Variants in DNAH5 observed in about 807,000 individuals in gnomAD.
The protein encoded by DNAH5 is dynein axonemal heavy chain 5.
DNAH5 carries 372 observed loss-of-function variants against 518.2 expected under a neutral mutation model. That is an observed-to-expected ratio of 0.72 (90% CI 0.66 to 0.78). The LOEUF (loss-of-function observed/expected upper bound fraction) is 0.78. Among genes scored for constraint, DNAH5 ranks in the 30% least tolerant of loss-of-function variants. DNAH5 has a pLI of 0.00. For missense variants in DNAH5, 5,523 were observed against 5,687.0 expected (o/e 0.97, Z 0.93); for synonymous variants, 2,039 against 2,025.9 (o/e 1.01, Z -0.17).
At chr5:13,948,221 T>C (rs1780084268), upstream of DNAH5, among the ~76,000 whole-genome samples, 1 of 152,186 alleles carries the variant, frequency 6.6e-6, no homozygotes, top group African/African-American at 2.4e-5. Context: ...TGGAAGAAAA[T>C]CCCAGAAGAG....
At chr5:13,739,431 C>T (rs78408914) in intron 65 of DNAH5, among the ~76,000 whole-genome samples, 14 of 152,222 alleles carry the variant, frequency 9.2e-5, no homozygotes, top group South Asian at 2.1e-4. Flanking sequence ...CTTTGCCTTC[C>T]GCCATGATTG....
Position 13,708,134 on chromosome 5 carries a change from A to C in DNAH5, c.13327T>G (p.Trp4443Gly). The C allele has an allele frequency of 1.2e-6, 2 of 1,614,158 alleles. No homozygotes were observed. Among genetic ancestry groups the C allele is most frequent in the Non-Finnish European group, 1.7e-6 (2 of 1,179,988 alleles). ...AGGCTTATACGTACTTTTTTCCACC[A>C]AGCAGGGATTCTAGCATCAAACATG... The part of the protein sequence containing the change: ...DCMFDARIPA[W>G]WKKASWISST... The change falls in exon 76 of 79, where the codon TGG (tryptophan) becomes GGG (glycine). Residue 4443 changes from tryptophan to glycine, a missense_variant. Around this residue, in one of 3 missense-constraint regions of DNAH5, gnomAD observed 387 missense variants for 430.0 expected, o/e 0.90. Transcript: ENST00000265104.
chr5:13,892,009 A>T (rs558318752), intron 16 of DNAH5, among the ~76,000 whole-genome samples: 68 of 152,358 alleles, frequency 4.5e-4, no homozygotes, highest in Non-Finnish European at 8.4e-4. Flanking sequence ...AATTGAATAC[A>T]GGAAAGTCAA....
intron 70 of DNAH5, among the ~76,000 whole-genome samples, chr5:13,724,456 C>G (rs1257337221): frequency 1.3e-5 from 2 of 152,078 alleles, no homozygotes; most frequent in African/African-American, 2.4e-5. Context: ...GGAGATGAGT[C>G]TCAGAGAGAC....
chr5:13,826,093 C>G (rs909070193), intron 38 of DNAH5, among the ~76,000 whole-genome samples: 1 of 152,128 alleles, frequency 6.6e-6, no homozygotes, highest in Non-Finnish European at 1.5e-5. Flanking sequence ...GGTGAGTAAA[C>G]TTAATCATGG....
rs756945576 is a variant in DNAH5, at chr5:13,829,599, A to G, written c.6355T>C (p.Leu2119=). The change falls in exon 38 of 79, where the codon TTG becomes CTG. Residue 2119 remains leucine (L), a synonymous_variant. Transcript: ENST00000265104. ...PDRQIIIRVK[L]ASCGFIDNVV... is the part of the protein sequence containing the mutation. ...TTGTCAATGAAGCCACAACTAGCCA[A>G]CTTCACCCTTATGATAATCTGACGG... The G allele has an allele frequency of 6.2e-7, 1 of 1,614,204 alleles. No individual in the cohort carries two copies. Among genetic ancestry groups the G allele is most frequent in the Admixed American group, 1.7e-5 (1 of 60,020 alleles).
rs373899654 is a variant in DNAH5 at position 13,780,859 on chromosome 5, C to T, written c.8921G>A (p.Gly2974Asp). 70 of 1,613,630 alleles carry T rather than the reference C, an allele frequency of 4.3e-5. No individual in the cohort carries two copies. In the South Asian group the frequency reaches 6.7e-4, roughly 15 times the overall value. The change falls in exon 53 of 79, where the codon GGC becomes GAC. Residue 2974 changes from glycine (G) to aspartate (D), a missense_variant. Physicochemically the swap from Gly to Asp is moderately conservative, Grantham distance 94 (BLOSUM62 -1). Around this residue, in one of 3 missense-constraint regions of DNAH5, gnomAD observed 5,121 missense variants for 5,223.3 expected, o/e 0.98. Transcript: ENST00000265104. ...CAGAGTGATCTGGAAGGAAACGTAG[C>T]CAGCAATGAATGAAGCCAACCTCGT... is the stretch of plus-strand genomic sequence containing the variant. The part of the protein sequence containing the change: ...SLTRLASFIA[G>D]YVSFQITLTR...
intron 1 of DNAH5, among the ~76,000 whole-genome samples, chr5:13,983,991 A>G (rs1158916965): frequency 6.6e-6 from 1 of 152,214 alleles, no homozygotes; most frequent in East Asian, 1.9e-4. Context: ...AGGTGGAAGT[A>G]GAGTTGCTAA....
chr5:13,861,084 GA>G (rs1768351587), intron 29 of DNAH5, among the ~76,000 whole-genome samples: 1 of 152,024 alleles, frequency 6.6e-6, no homozygotes, highest in Non-Finnish European at 1.5e-5. Flanking sequence ...AATATATATT[GA>G]AAAAATACTC....
intron 1 of DNAH5, among the ~76,000 whole-genome samples, chr5:14,010,890 A>G (rs978764447): frequency 3.9e-5 from 6 of 152,022 alleles, no homozygotes; most frequent in African/African-American, 1.4e-4. Context: ...CCCTACAGTT[A>G]TATGACTATA....
intron 65 of DNAH5, among the ~76,000 whole-genome samples, chr5:13,742,120 T>C (rs1214592156): frequency 6.6e-6 from 1 of 152,142 alleles, no homozygotes; most frequent in Non-Finnish European, 1.5e-5. Context: ...TAAATGATAC[T>C]TTGAATTTCA....
In DNAH5 at chr5:13,928,224, G is replaced by A. The variant is rs1030634882; in HGVS notation, c.193-46C>T. On this transcript the variant is annotated intron_variant, in intron 2 of 78. Transcript: ENST00000265104. ...AGATAATGATTTTCAATCCAAATTA[G>A]AAACTGCAATTAAATCAGCATTAAT... The A allele has an allele frequency of 7.7e-6, 11 of 1,428,974 alleles. 1 individual carries two copies. The Middle Eastern group carries it at 7.0e-4, about 91-fold the overall frequency. The allele number at this position is 1,428,974 out of a possible 1,614,324, so 88.5% of individuals were successfully genotyped here.
At chr5:13,859,790 GC>G (rs1466415220) in intron 29 of DNAH5, among the ~76,000 whole-genome samples, 185 bp from the exon 30 acceptor site, 3 of 152,106 alleles carry the variant, frequency 2.0e-5, no homozygotes, top group Non-Finnish European at 4.4e-5. Flanking sequence ...TGTTAGTCTA[GC>G]TTTTTCCCTT....
In DNAH5 at chr5:13,817,580, G is replaced by A. The variant is rs144983881; in HGVS notation, c.6956C>T (p.Thr2319Met). ...TNDWTDGIFS[T>M]LWRKTLRAKK... ...TGCTCTTAATGTTTTCCTCCAAAGCGTAGAAAATATCCCATCAGTCCAGTC... is the reference window on the plus strand; with the variant it reads ...TGCTCTTAATGTTTTCCTCCAAAGCATAGAAAATATCCCATCAGTCCAGTC... Residue 2319 changes from threonine (T) to methionine (M), a missense_variant, in exon 42 of 79, where the codon ACG becomes ATG. This residue lies in a region of DNAH5 where 5,121 missense variants were observed against 5,223.3 expected (regional missense o/e 0.98). Transcript: ENST00000265104. 480 of 1,614,072 alleles carry A rather than the reference G, an allele frequency of 3.0e-4. 8 individuals carry two copies. The East Asian group carries it at 3.1e-3, about 10-fold the overall frequency.
At chr5:13,945,469 A>T (rs1354234220), upstream of DNAH5, among the ~76,000 whole-genome samples, 1 of 152,226 alleles carries the variant, frequency 6.6e-6, no homozygotes, top group Admixed American at 6.5e-5. Context: ...CAGAACATGG[A>T]GATTCACTTG....
chr5:13,708,263 TTCTG>T lies in DNAH5; in HGVS notation c.13194_13197del (p.Asp4398GlufsTer16), dbSNP rs727502971. 1.5e-5 allele frequency: 24 copies of T among 1,614,054 alleles called. No individual in the cohort carries two copies. The highest frequency in any genetic ancestry group is 1.9e-5 in the Non-Finnish European group (23 of 1,180,016). Reference sequence around the variant, plus strand: ...CGGACAAGGCTGAGTACCCTTTGCATTCTGTCTATTTCCTGCCTGAGGAAAATGT... The same window carrying T: ...CGGACAAGGCTGAGTACCCTTTGCATTCTATTTCCTGCCTGAGGAAAATGT... On this transcript the variant is annotated frameshift_variant, in exon 76 of 79. Transcript: ENST00000265104. LOFTEE classifies it high-confidence loss of function.
Position 13,923,472 on chromosome 5 carries a change from A to G in DNAH5, c.278-32T>C, listed in dbSNP as rs906255967. The stretch of plus-strand genomic sequence containing the variant: ...AAGCAAAATAATTTTAGTTTCACAA[A>G]TGCTTTTTGCAGTCCATGTGGTTCC... On this transcript the variant is annotated intron_variant, in intron 3 of 78. Coordinates refer to ENST00000265104, the MANE Select transcript of DNAH5 (RefSeq NM_001369.3). 4.3e-6 allele frequency: 7 copies of G among 1,613,220 alleles called. No individual in the cohort carries two copies. The South Asian group carries it at 4.4e-5, about 10-fold the overall frequency.
chr5:13,888,023 T>G (rs528633789), intron 17 of DNAH5, among the ~76,000 whole-genome samples: 27 of 152,252 alleles, frequency 1.8e-4, no homozygotes, highest in African/African-American at 6.5e-4. Context: ...CTCGTCATAC[T>G]CAAAGAATGA....
chr5:13,932,278 T>C (rs1778500483), intron 1 of DNAH5: 2 of 152,206 alleles, frequency 1.3e-5, no homozygotes, highest in Non-Finnish European at 2.9e-5. Flanking sequence ...GGTCTCCAAA[T>C]GCAGGGGCAT....
Sources: allele counts gnomAD v4.1 joint callset (sites outside exome capture counted in the v4.1 genomes callset), GRCh38; gene constraint gnomAD v4.1.1; regional missense constraint gnomAD v4.1.1; transcripts MANE v1.5; gene names NCBI Gene and HGNC (gene_info 2026-07-23, HGNC 2026-07-21).